ZRANB1: variants seen among roughly 807,000 people sequenced by gnomAD.
The protein encoded by ZRANB1 is zinc finger RANBP2-type containing 1.
In ZRANB1, 16 loss-of-function variants were observed where a neutral mutation model predicts 80.5. The ratio of observed to expected loss-of-function variants is 0.20; its 90% CI spans 0.13 to 0.30. The LOEUF (loss-of-function observed/expected upper bound fraction) is 0.30, where lower values mean the gene tolerates loss of function less well. Ranked by LOEUF, ZRANB1 falls within the 10% of genes least tolerant of loss-of-function variation. The pLI, the probability that ZRANB1 is intolerant of heterozygous loss-of-function variation, is 1.00. For synonymous variants in ZRANB1, 291 were observed against 293.1 expected (o/e 0.99, Z 0.07); for missense variants, 576 against 862.6 (o/e 0.67, Z 4.16).
chr10:124,932,854 C>G, the ZRANB1 span, among the ~76,000 whole-genome samples: 3 of 151,992 alleles, frequency 2.0e-5, no homozygotes, highest in Admixed American at 1.3e-4. Context: ...CGAGCCACCC[C>G]CCTGCATTTG....
intron 5 of ZRANB1, among the ~76,000 whole-genome samples, chr10:124,981,136 GT>G (rs1192156443): frequency 6.6e-6 from 1 of 152,186 alleles, no homozygotes; most frequent in Non-Finnish European, 1.5e-5. Context: ...AAGAATCGAT[GT>G]GTTTTCAGTA....
At chr10:124,957,715 G>C (rs1244194896) in intron 1 of ZRANB1, among the ~76,000 whole-genome samples, 4 of 151,856 alleles carry the variant, frequency 2.6e-5, no homozygotes, top group South Asian at 2.1e-4. Context: ...TTGTGATCTG[G>C]GTCAGAATTT....
upstream of ZRANB1, among the ~76,000 whole-genome samples, chr10:124,939,076 C>G (rs964337099): frequency 6.6e-6 from 1 of 152,034 alleles, no homozygotes; most frequent in African/African-American, 2.4e-5. Context: ...ACTCTGGAGG[C>G]TGAGGCAGGA....
At chr10:124,981,392 C>CT (rs71029230) in intron 5 of ZRANB1, 2,057 of 159,944 alleles carry the variant, frequency 0.013, 8 homozygotes, top group African/African-American at 0.024. Flanking sequence ...TTTCAGATGA[C>CT]TTTTTTTTTT....
Position 124,985,038 on chromosome 10 carries a change from G to A in ZRANB1, c.*46G>A. 2 of 1,453,856 alleles carry A rather than the reference G, an allele frequency of 1.4e-6. No individual in the cohort carries two copies. The allele number at this position is 1,453,856 out of a possible 1,614,324, so 90.1% of individuals were successfully genotyped here. ...AAGACCAAGGCATCAGATCTGTAAT[G>A]ACCCTAAAGTTAGTGTGGTGCTCCA... On this transcript the variant is annotated 3_prime_UTR_variant, in exon 9 of 9. Coordinates refer to ENST00000359653, the MANE Select transcript of ZRANB1 (RefSeq NM_017580.3).
At chr10:124,925,098 T>C in the ZRANB1 span, among the ~76,000 whole-genome samples, 2 of 151,978 alleles carry the variant, frequency 1.3e-5, no homozygotes, top group Non-Finnish European at 2.9e-5. Flanking sequence ...TTAGTAGAGA[T>C]GAGGTTTCAT....
intron 1 of ZRANB1, among the ~76,000 whole-genome samples, chr10:124,963,554 G>GTTTTTTTTTTTTTTTTTTTTTTT (rs760813299): frequency 1.7e-5 from 1 of 57,508 alleles, no homozygotes; most frequent in Non-Finnish European, 3.2e-5. Context: ...TTTTTTGTTT[G>GTTTTTTTTTTTTTTTTTTTTTTT]TTTTTTTTTT....
chr10:124,963,094 C>T lies in ZRANB1; in HGVS notation c.815-3500C>T, dbSNP rs190196357. ...CAACCTGATCAATATGGTGAAACCC[C>T]GTCTCTACTAAAAATACAAAAATTA... On this transcript the variant is annotated intron_variant, in intron 1 of 8. Transcript: ENST00000359653. Among the ~76,000 whole-genome samples the T allele has an allele frequency of 3.6e-4, 54 of 151,942 alleles. No homozygotes were observed. In the East Asian group the frequency reaches 4.5e-3, roughly 13 times the overall value.
the ZRANB1 span, among the ~76,000 whole-genome samples, chr10:124,918,439 C>T: frequency 2.6e-5 from 4 of 152,226 alleles, no homozygotes; most frequent in South Asian, 2.1e-4. Context: ...ATCTGCCCGC[C>T]TCGGCCTTCC....
At position 124,985,015 on chromosome 10, in the gene ZRANB1, G is replaced by C; in HGVS notation, c.*23G>C. The C allele has an allele frequency of 6.4e-7, 1 of 1,560,246 alleles. No homozygotes were observed. Among genetic ancestry groups the C allele is most frequent in the Non-Finnish European group, 8.8e-7 (1 of 1,142,470 alleles). On this transcript the variant is annotated 3_prime_UTR_variant, in exon 9 of 9. Transcript: ENST00000359653. ...TGAAAAAAAAAATCAAACAGCAGAA[G>C]ACCAAGGCATCAGATCTGTAATGAC...
the ZRANB1 span, among the ~76,000 whole-genome samples, chr10:124,926,928 A>G: frequency 6.6e-6 from 1 of 152,092 alleles, no homozygotes; most frequent in Non-Finnish European, 1.5e-5. Flanking sequence ...TTCGATTGAC[A>G]CATGGTTATG....
chr10:124,977,507 C>A (rs1414504913), intron 5 of ZRANB1, among the ~76,000 whole-genome samples: 2 of 151,522 alleles, frequency 1.3e-5, no homozygotes, highest in African/African-American at 4.9e-5. Flanking sequence ...CCTAGGAGTT[C>A]AAGACAAGCC....
At chr10:124,943,341 A>T (rs1327275656) in intron 1 of ZRANB1, 34 bp downstream of exon 1, 2 of 1,578,706 alleles carry the variant, frequency 1.3e-6, no homozygotes, top group East Asian at 2.2e-5. Flanking sequence ...TTTGCGTGGG[A>T]TGGGAAAAGG....
chr10:124,959,637 T>C (rs1405776197), intron 1 of ZRANB1, among the ~76,000 whole-genome samples: 1 of 152,154 alleles, frequency 6.6e-6, no homozygotes, highest in Non-Finnish European at 1.5e-5. Context: ...TGGCTTATTC[T>C]TTAAATTTTT....
chr10:124,966,555 T>G, intron 1 of ZRANB1, 39 bp from the exon 2 acceptor site: 89 of 1,582,774 alleles, frequency 5.6e-5, no homozygotes, highest in Non-Finnish European at 7.1e-5. Flanking sequence ...TTGAAGAAAA[T>G]GAGAATTAAA....
At chr10:124,980,745 A>T (rs1324971608) in intron 5 of ZRANB1, among the ~76,000 whole-genome samples, 9 of 152,080 alleles carry the variant, frequency 5.9e-5, no homozygotes, top group African/African-American at 2.2e-4. Context: ...AATTACTGTA[A>T]AGTTACTTGT....
At chr10:124,973,801 T>C in intron 4 of ZRANB1, 85 bp downstream of exon 4, 12 of 1,187,776 alleles carry the variant, frequency 1.0e-5, no homozygotes, top group South Asian at 9.9e-5. Context: ...GTTTGGTGTG[T>C]AGTCAACTTG....
chr10:124,962,094 G>C (rs1951738633), intron 1 of ZRANB1, among the ~76,000 whole-genome samples: 1 of 152,138 alleles, frequency 6.6e-6, no homozygotes, highest in African/African-American at 2.4e-5. Context: ...AATATCTCCA[G>C]GTTCAGGATT....
At chr10:124,933,834 G>A in the ZRANB1 span, among the ~76,000 whole-genome samples, 2 of 152,190 alleles carry the variant, frequency 1.3e-5, no homozygotes, top group East Asian at 1.9e-4. Flanking sequence ...TTCTTGTTAC[G>A]ATTGAGGAAC....
Sources: gnomAD v4.1 joint callset for allele counts (sites outside exome capture counted in the v4.1 genomes callset) on GRCh38, gnomAD v4.1.1 for gene constraint, MANE v1.5 for transcripts, NCBI Gene and HGNC (gene_info 2026-07-23, HGNC 2026-07-21) for gene names.